CAMTA1: variants seen among roughly 807,000 people sequenced by gnomAD.
CAMTA1 encodes the protein calmodulin-binding transcription activator 1.
A neutral mutation model predicts 170.9 loss-of-function variants in CAMTA1; 27 were observed. The observed-to-expected ratio is 0.16, with a 90% CI of 0.12 to 0.22. CAMTA1 has a LOEUF of 0.22. Among genes scored for constraint, CAMTA1 ranks in the 10% least tolerant of loss-of-function variants. The pLI is 1.00. For synonymous variants in CAMTA1, 833 were observed against 891.5 expected (o/e 0.93, Z 1.17); for missense variants, 1,619 against 2,217.2 (o/e 0.73, Z 5.42).
intron 5 of CAMTA1, among the ~76,000 whole-genome samples, chr1:7,318,938 A>G (rs1479631572): frequency 6.6e-6 from 1 of 152,220 alleles, no homozygotes; most frequent in African/African-American, 2.4e-5. Context: ...AGGCAGCACG[A>G]AATCGTGTGT....
chr1:6,786,155 C>T (rs1639251134), intron 1 of CAMTA1, among the ~76,000 whole-genome samples: 1 of 151,942 alleles, frequency 6.6e-6, no homozygotes, highest in Non-Finnish European at 1.5e-5. Flanking sequence ...TGGACACCTC[C>T]CTGAGCGGGC....
intron 3 of CAMTA1, among the ~76,000 whole-genome samples, chr1:7,018,187 C>G (rs1421136106): frequency 1.5e-5 from 2 of 131,586 alleles, no homozygotes; most frequent in East Asian, 4.6e-4. Flanking sequence ...GTTCAGGTCA[C>G]TCTGGGGATG....
intron 6 of CAMTA1, among the ~76,000 whole-genome samples, chr1:7,507,790 A>G (rs1469693620): frequency 2.0e-5 from 3 of 152,186 alleles, no homozygotes; most frequent in East Asian, 3.9e-4. Flanking sequence ...AGGGAGTCCA[A>G]GCTCTGAGCG....
chr1:7,436,978 G>A lies in CAMTA1; in HGVS notation c.439-30852G>A, dbSNP rs145591484. Among the ~76,000 whole-genome samples, 901 of 152,246 alleles carry A rather than the reference G, an allele frequency of 5.9e-3. 6 individuals carry two copies. The highest frequency in any genetic ancestry group is 0.02 in the African/African-American group (830 of 41,550). ...GTTGGGGGGAATGGCAGGGCACAGC[G>A]GCATTGCAGGAGGATCTAAGTCCCC... On this transcript the variant is annotated intron_variant, in intron 5 of 22. Coordinates refer to ENST00000303635, the MANE Select transcript of CAMTA1 (RefSeq NM_015215.4).
At chr1:7,159,691 A>T (rs962710936) in intron 4 of CAMTA1, among the ~76,000 whole-genome samples, 1 of 152,072 alleles carries the variant, frequency 6.6e-6, no homozygotes, top group Admixed American at 6.6e-5. Context: ...CTACAGTTGC[A>T]CAGGATCATA....
chr1:7,562,468 C>A lies in CAMTA1; in HGVS notation c.511-77932C>A, dbSNP rs2094970975. Among the ~76,000 whole-genome samples, 1 of 152,156 alleles carries A rather than the reference C, an allele frequency of 6.6e-6. No homozygotes were observed. The highest frequency in any genetic ancestry group is 1.5e-5 in the Non-Finnish European group (1 of 68,028). On this transcript the variant is annotated intron_variant, in intron 6 of 22. Transcript: ENST00000303635. This position sits in a 1 kb window ranked among gnomAD's most constrained non-coding sequence, Gnocchi z 4.8. ...CTTCTGCCTGGCTCTCCGCATTCTT[C>A]CCCCAGGCTGGCAGACGGCTCTGCC...
At chr1:7,472,976 G>A (rs918830595) in intron 6 of CAMTA1, among the ~76,000 whole-genome samples, 1 of 152,184 alleles carries the variant, frequency 6.6e-6, no homozygotes, top group African/African-American at 2.4e-5. Context: ...CCCAGGAGAG[G>A]AAGAAGATGC....
chr1:7,700,889 G>A (rs926560966), intron 11 of CAMTA1: 1 of 152,218 alleles, frequency 6.6e-6, no homozygotes, highest in Non-Finnish European at 1.5e-5. Flanking sequence ...CAGGTGTAAT[G>A]AAATCAGTTG....
rs746522147 is a variant in CAMTA1, at chr1:6,828,286, C to CTTTTTTTTTT, written c.234+3091_234+3100dup. Among the ~76,000 whole-genome samples, 5 of 69,714 alleles carry CTTTTTTTTTT rather than the reference C, an allele frequency of 7.2e-5. 1 individual carries two copies. The highest frequency in any genetic ancestry group is 1.0e-4 in the Non-Finnish European group (4 of 39,682). The allele number at this position is 69,714 out of a possible 152,430, so 45.7% of individuals were successfully genotyped here. On this transcript the variant is annotated intron_variant, in intron 3 of 22. Transcript: ENST00000303635. ...TGAGTGAGATTGTGCTCATTCCATC[C>CTTTTTTTTTT]TTTTTTTTTTTTTTTTTTTTTTTTG...
rs72643922 is a variant in CAMTA1 at position 7,559,764 on chromosome 1, T to C, written c.511-80636T>C. Among the ~76,000 whole-genome samples, 804 of 152,092 alleles carry C rather than the reference T, an allele frequency of 5.3e-3. 3 individuals carry two copies. The highest frequency in any genetic ancestry group is 8.8e-3 in the Admixed American group (134 of 15,298). On this transcript the variant is annotated intron_variant, in intron 6 of 22. Coordinates refer to ENST00000303635, the MANE Select transcript of CAMTA1 (RefSeq NM_015215.4). ...CACTGAATCAGGATGCACCCCAGGA[T>C]GCAACTGATTGCACCCCGATGTCCT...
chr1:7,301,989 G>T (rs1298344929), intron 5 of CAMTA1, among the ~76,000 whole-genome samples: 2 of 152,140 alleles, frequency 1.3e-5, no homozygotes, highest in African/African-American at 2.4e-5. Flanking sequence ...AAACTTCCAG[G>T]ACTCGTTCTG....
chr1:7,509,086 A>G (rs1460475864), intron 6 of CAMTA1, among the ~76,000 whole-genome samples: 2 of 152,152 alleles, frequency 1.3e-5, no homozygotes, highest in African/African-American at 2.4e-5. Flanking sequence ...TACTCACCCC[A>G]CTGGGATGGC....
At chr1:7,175,740 G>C (rs1180285452) in intron 4 of CAMTA1, among the ~76,000 whole-genome samples, 2 of 152,232 alleles carry the variant, frequency 1.3e-5, no homozygotes, top group Non-Finnish European at 2.9e-5. Flanking sequence ...CCTGGCCGAG[G>C]CTTCTCCCCT....
chr1:6,881,918 G>T (rs1443202198), intron 3 of CAMTA1, among the ~76,000 whole-genome samples: 1 of 152,152 alleles, frequency 6.6e-6, no homozygotes. Context: ...AGTGAGTGGA[G>T]ATCGCACCAC....
At chr1:6,874,761 G>C (rs1287324592) in intron 3 of CAMTA1, among the ~76,000 whole-genome samples, 1 of 152,122 alleles carries the variant, frequency 6.6e-6, no homozygotes, top group African/African-American at 2.4e-5. Context: ...AACTGTTTTT[G>C]GCTATGGAGG....
chr1:7,392,008 C>G (rs2088769598), intron 5 of CAMTA1, among the ~76,000 whole-genome samples: 1 of 152,160 alleles, frequency 6.6e-6, no homozygotes, highest in Non-Finnish European at 1.5e-5. Flanking sequence ...TTTTATTTCT[C>G]TTGGGAAAAT....
intron 5 of CAMTA1, among the ~76,000 whole-genome samples, chr1:7,271,566 A>AGAT (rs1669803801): frequency 4.8e-5 from 1 of 20,780 alleles, no homozygotes; most frequent in Non-Finnish European, 9.4e-5. Flanking sequence ...CTGAGAAAAG[A>AGAT]GATAGATAGA....
chr1:7,261,224 C>A (rs1349477194), intron 5 of CAMTA1, among the ~76,000 whole-genome samples: 2 of 152,168 alleles, frequency 1.3e-5, no homozygotes, highest in Non-Finnish European at 2.9e-5. Flanking sequence ...TTCCTTACAT[C>A]CTTTGTGCGT....
chr1:7,743,891 A>G (rs1269871663), intron 16 of CAMTA1, among the ~76,000 whole-genome samples: 1 of 146,920 alleles, frequency 6.8e-6, no homozygotes, highest in Admixed American at 7.0e-5. Context: ...CAGTGGCGCG[A>G]TCTTGGCTTA....
Sources: allele counts gnomAD v4.1 joint callset (sites outside exome capture counted in the v4.1 genomes callset), GRCh38; gene constraint gnomAD v4.1.1; non-coding constraint Gnocchi (gnomAD v3.1); transcripts MANE v1.5; gene names NCBI Gene and HGNC (gene_info 2026-07-23, HGNC 2026-07-21).